Variants in NRG1 observed in about 807,000 individuals in gnomAD.
The protein encoded by NRG1 is neuregulin 1.
In NRG1, 18 loss-of-function variants were observed where a neutral mutation model predicts 63.8. The observed-to-expected ratio is 0.28, with a 90% CI of 0.19 to 0.42. NRG1 has a LOEUF of 0.42. Among genes scored for constraint, NRG1 ranks in the 10% least tolerant of loss-of-function variants. NRG1 has a pLI of 1.00. For synonymous variants in NRG1, 302 were observed against 301.3 expected (o/e 1.00, Z -0.02); for missense variants, 762 against 814.7 (o/e 0.94, Z 0.79).
intron 1 of NRG1, among the ~76,000 whole-genome samples, chr8:32,541,153 G>A (rs1303220644): frequency 1.3e-5 from 2 of 152,080 alleles, no homozygotes; most frequent in Non-Finnish European, 2.9e-5. Context: ...GGGTGGAGAT[G>A]ACTGTAACAT....
rs564269473 is a variant in NRG1, at chr8:32,760,651, G to A, written c.1259+245G>A. ...TCTTAAAGAGCTGGGATGCTTTGATGCGGAAGGTGCAGCACATGGAGTTTC... is the reference window on the plus strand; with the variant it reads ...TCTTAAAGAGCTGGGATGCTTTGATACGGAAGGTGCAGCACATGGAGTTTC... On this transcript the variant is annotated intron_variant, in intron 11 of 11. Coordinates refer to ENST00000356819, the Ensembl canonical transcript of NRG1. The A allele has an allele frequency of 3.1e-4, 404 of 1,306,234 alleles. 3 individuals carry two copies. The South Asian group carries it at 3.2e-3, about 10-fold the overall frequency. The allele number at this position is 1,306,234 out of a possible 1,614,324, so 80.9% of individuals were successfully genotyped here.
At position 31,900,697 on chromosome 8, in the gene NRG1, C is replaced by T. The variant is rs530378942; in HGVS notation, c.37+261266C>T. Among the ~76,000 whole-genome samples, 71 of 152,312 alleles carry T rather than the reference C, an allele frequency of 4.7e-4. No homozygotes were observed. In the South Asian group the frequency reaches 0.014, roughly 31 times the overall value. The stretch of plus-strand genomic sequence containing the variant: ...TCCTGAACATATCCCATCCTGACTG[C>T]TTCGTGGCGTATATAAACTCCCACT... On this transcript the variant is annotated intron_variant, in intron 1 of 10. Transcript: ENST00000519301.
At chr8:32,507,011 T>G (rs920179703) in intron 1 of NRG1, among the ~76,000 whole-genome samples, 17 of 152,178 alleles carry the variant, frequency 1.1e-4, no homozygotes, top group African/African-American at 4.1e-4. Flanking sequence ...AGACATCCAC[T>G]TCGTTCCAAA....
Position 32,170,233 on chromosome 8 carries a change from T to C in NRG1, c.38-425595T>C, listed in dbSNP as rs76586265. ...ACTCTGTTACACAAATCCTAGGAAT[T>C]TGATACACCTTCCTAGACCCAAGTG... On this transcript the variant is annotated intron_variant, in intron 1 of 10. Transcript: ENST00000519301. Among the ~76,000 whole-genome samples, 102 of 152,304 alleles carry C rather than the reference T, an allele frequency of 6.7e-4. No homozygotes were observed. The East Asian group carries it at 0.019, about 29-fold the overall frequency.
chr8:31,649,886 A>T (rs1008185194), intron 1 of NRG1, among the ~76,000 whole-genome samples: 1 of 152,104 alleles, frequency 6.6e-6, no homozygotes, highest in South Asian at 2.1e-4. Context: ...AATTGCCTCT[A>T]CCCCAGCAAT....
intron 1 of NRG1, among the ~76,000 whole-genome samples, chr8:32,551,930 T>G (rs1231337271): frequency 8.4e-6 from 1 of 118,452 alleles, no homozygotes; most frequent in East Asian, 2.2e-4. Context: ...TTTTTTTTTT[T>G]GACGGAGTCT....
intron 1 of NRG1, among the ~76,000 whole-genome samples, chr8:32,569,527 A>C (rs2129528410): frequency 6.6e-6 from 1 of 152,312 alleles, no homozygotes; most frequent in African/African-American, 2.4e-5. Context: ...AAAAGAAAAG[A>C]TTATATAGTA....
intron 1 of NRG1, among the ~76,000 whole-genome samples, chr8:32,524,450 G>C (rs1830617525): frequency 6.6e-6 from 1 of 151,428 alleles, no homozygotes; most frequent in Non-Finnish European, 1.5e-5. Context: ...CTTTTTCCTG[G>C]GACTGTATTT....
At chr8:32,145,350 T>C (rs749687623) in intron 1 of NRG1, among the ~76,000 whole-genome samples, 1 of 152,178 alleles carries the variant, frequency 6.6e-6, no homozygotes, top group Non-Finnish European at 1.5e-5. Context: ...ATGGCTTAAA[T>C]TTTTTTCAAG....
chr8:32,008,662 C>A (rs576214554), intron 1 of NRG1, among the ~76,000 whole-genome samples: 7 of 152,080 alleles, frequency 4.6e-5, no homozygotes, highest in Admixed American at 2.6e-4. Flanking sequence ...TATTTGAGAA[C>A]AATTTACCAG....
intron 1 of NRG1, among the ~76,000 whole-genome samples, chr8:32,299,004 G>C (rs1461312358): frequency 1.5e-5 from 2 of 132,524 alleles, no homozygotes; most frequent in Non-Finnish European, 3.1e-5. Context: ...TCCAGCCTGG[G>C]GACAAAGTTA....
At chr8:32,095,266 A>G (rs1037739559) in intron 1 of NRG1, among the ~76,000 whole-genome samples, 2 of 152,342 alleles carry the variant, frequency 1.3e-5, no homozygotes, top group Admixed American at 6.5e-5. Flanking sequence ...ATAAGATAAC[A>G]TGAGCAGAGA....
downstream of NRG1, among the ~76,000 whole-genome samples, chr8:32,769,563 G>A (rs1483614863): frequency 3.9e-5 from 6 of 152,162 alleles, no homozygotes. Context: ...TCAAGATGCT[G>A]GAAGGAGTGG....
intron 1 of NRG1, among the ~76,000 whole-genome samples, chr8:31,887,011 G>A (rs1393583418): frequency 1.3e-5 from 2 of 151,954 alleles, no homozygotes; most frequent in East Asian, 1.9e-4. Context: ...TTGCTATCAC[G>A]GTAATTACTC....
chr8:32,376,349 CT>C (rs1175783827), intron 1 of NRG1, among the ~76,000 whole-genome samples: 2 of 152,094 alleles, frequency 1.3e-5, no homozygotes, highest in Admixed American at 1.3e-4. Context: ...TAACAGGACT[CT>C]TTTTTTCTTT....
chr8:31,991,613 G>A (rs901687265), intron 1 of NRG1, among the ~76,000 whole-genome samples: 7 of 151,924 alleles, frequency 4.6e-5, no homozygotes, highest in Non-Finnish European at 8.8e-5. Context: ...ACATTCTGCT[G>A]GAACTGGATT....
In NRG1 at chr8:32,018,277, T is replaced by A. The variant is rs567584112; in HGVS notation, c.37+378846T>A. ...AAGAAGAACATCGAGGGGAAACAAC[T>A]TTTACTTGATCAGAGAATTAACTGA... On this transcript the variant is annotated intron_variant, in intron 1 of 10. Coordinates refer to the NRG1 transcript ENST00000519301. Among the ~76,000 whole-genome samples, 41 of 152,322 alleles carry A rather than the reference T, an allele frequency of 2.7e-4. 1 individual carries two copies. Among genetic ancestry groups the A allele is most frequent in the African/African-American group, 9.9e-4 (41 of 41,576 alleles).
chr8:31,675,016 A>G (rs933824843), intron 1 of NRG1, among the ~76,000 whole-genome samples: 1 of 152,194 alleles, frequency 6.6e-6, no homozygotes, highest in African/African-American at 2.4e-5. Flanking sequence ...ATGTCAGGAC[A>G]GCAGTTCACA....
chr8:32,323,474 G>A (rs969899943), intron 1 of NRG1, among the ~76,000 whole-genome samples: 7 of 152,206 alleles, frequency 4.6e-5, no homozygotes, highest in Non-Finnish European at 8.8e-5. Context: ...CAGCAGTTCA[G>A]AGACAGGGCT....
Sources: allele counts gnomAD v4.1 joint callset (sites outside exome capture counted in the v4.1 genomes callset), GRCh38; gene constraint gnomAD v4.1.1; transcripts MANE v1.5; gene names NCBI Gene and HGNC (gene_info 2026-07-23, HGNC 2026-07-21).